CLDN16: variants seen among roughly 807,000 people sequenced by gnomAD.
The protein encoded by CLDN16 is claudin-16.
Under a neutral mutation model 24.6 loss-of-function variants are expected in CLDN16, and 13 were observed. That is an observed-to-expected ratio of 0.53 (90% CI 0.34 to 0.84). The LOEUF is 0.84. CLDN16 is among the 40% of genes least tolerant of loss of function. The pLI is 0.01. For synonymous variants in CLDN16, 116 were observed against 106.7 expected (o/e 1.09, Z -0.54); for missense variants, 298 against 292.7 (o/e 1.02, Z -0.13).
At chr3:190,390,256 G>T (rs1718615383) in intron 1 of CLDN16, among the ~76,000 whole-genome samples, 1 of 152,084 alleles carries the variant, frequency 6.6e-6, no homozygotes, top group African/African-American at 2.4e-5. Context: ...AAAGGAAGAG[G>T]CTGGGCATGG....
At chr3:190,355,541 T>A (rs1289171018) in intron 1 of CLDN16, among the ~76,000 whole-genome samples, 4 of 151,846 alleles carry the variant, frequency 2.6e-5, no homozygotes, top group African/African-American at 4.8e-5. Flanking sequence ...AATTTAAACT[T>A]CTTAAGAATT....
At chr3:190,330,540 C>T (rs1717160449) in intron 1 of CLDN16, among the ~76,000 whole-genome samples, 1 of 151,858 alleles carries the variant, frequency 6.6e-6, no homozygotes, top group African/African-American at 2.4e-5. Context: ...AATACTAGTA[C>T]TACTTTCATC....
chr3:190,404,472 G>T (rs1719039740), intron 2 of CLDN16, among the ~76,000 whole-genome samples: 1 of 152,142 alleles, frequency 6.6e-6, no homozygotes, highest in Admixed American at 6.5e-5. Context: ...GAGGCAAAAA[G>T]GAAAACATTT....
At chr3:190,351,818 T>C (rs1194472852) in intron 1 of CLDN16, among the ~76,000 whole-genome samples, 1 of 152,098 alleles carries the variant, frequency 6.6e-6, no homozygotes, top group African/African-American at 2.4e-5. Context: ...ATTTTATCTA[T>C]TAGCATTCTA....
intron 1 of CLDN16, among the ~76,000 whole-genome samples, chr3:190,361,831 G>A (rs1412206996): frequency 6.6e-6 from 1 of 151,914 alleles, no homozygotes; most frequent in Non-Finnish European, 1.5e-5. Context: ...AAAAGGGCTA[G>A]CTGGGGGCCA....
chr3:190,322,491 C>G (rs1404307686), upstream of CLDN16: 3 of 431,430 alleles, frequency 7.0e-6, no homozygotes, highest in Non-Finnish European at 1.3e-5. Flanking sequence ...CCGCCCGCCT[C>G]AGCCCCGGCA....
At chr3:190,300,954 T>C in the CLDN16 span, among the ~76,000 whole-genome samples, 2 of 152,326 alleles carry the variant, frequency 1.3e-5, no homozygotes, top group South Asian at 4.1e-4. Context: ...GAATAAAAGA[T>C]GGATCCGGTA....
chr3:190,295,927 T>C, the CLDN16 span, among the ~76,000 whole-genome samples: 1 of 152,228 alleles, frequency 6.6e-6, no homozygotes, highest in East Asian at 1.9e-4. Context: ...GCCTCAGTTC[T>C]GCTCTTTTCA....
chr3:190,362,049 T>TG, intron 1 of CLDN16, among the ~76,000 whole-genome samples: 2 of 145,048 alleles, frequency 1.4e-5, no homozygotes, highest in African/African-American at 4.9e-5. Flanking sequence ...TGGTCTAACC[T>TG]GTGTAAATCA....
intron 1 of CLDN16, among the ~76,000 whole-genome samples, chr3:190,350,423 G>T (rs1717647516): frequency 6.6e-6 from 1 of 150,904 alleles, no homozygotes; most frequent in Non-Finnish European, 1.5e-5. Context: ...TATTAAAAAT[G>T]ACAATGTTAA....
chr3:190,349,237 C>A (rs557323026), intron 1 of CLDN16, among the ~76,000 whole-genome samples: 1 of 152,192 alleles, frequency 6.6e-6, no homozygotes, highest in East Asian at 1.9e-4. Flanking sequence ...ATGAATTTCC[C>A]CTTGTTGTTC....
At chr3:190,374,840 A>G (rs1362422525) in intron 3 of CLDN16, among the ~76,000 whole-genome samples, 1 of 152,028 alleles carries the variant, frequency 6.6e-6, no homozygotes, top group Admixed American at 6.6e-5. Flanking sequence ...GCCGATTTTT[A>G]TTACTATTTT....
chr3:190,335,520 C>A (rs1158507995), intron 1 of CLDN16, among the ~76,000 whole-genome samples: 1 of 151,906 alleles, frequency 6.6e-6, no homozygotes, highest in African/African-American at 2.4e-5. Context: ...CAAGACCATC[C>A]TGGCCAACAT....
chr3:190,385,915 A>T (rs1405515077), upstream of CLDN16, among the ~76,000 whole-genome samples: 4 of 152,058 alleles, frequency 2.6e-5, no homozygotes, highest in Non-Finnish European at 5.9e-5. Flanking sequence ...CCTGGCTTCC[A>T]CTCCCAATTT....
At chr3:190,340,364 G>A (rs1022434589) in intron 1 of CLDN16, among the ~76,000 whole-genome samples, 6 of 152,236 alleles carry the variant, frequency 3.9e-5, no homozygotes, top group Admixed American at 3.3e-4. Flanking sequence ...TCCATGCAGC[G>A]GGGAGGCCTC....
At chr3:190,399,223 G>C (rs78746086) in intron 1 of CLDN16, among the ~76,000 whole-genome samples, 15,883 of 152,154 alleles carry the variant, frequency 0.1, 982 homozygotes, top group Non-Finnish European at 0.14. Flanking sequence ...ATGTTTTTAG[G>C]CTGGGCACGG....
At chr3:190,309,704 A>C in the CLDN16 span, among the ~76,000 whole-genome samples, 9 of 152,350 alleles carry the variant, frequency 5.9e-5, no homozygotes, top group African/African-American at 2.2e-4. Context: ...AAAAACATAC[A>C]TAATAGCTTT....
At chr3:190,325,713 A>G (rs1717046431) in intron 1 of CLDN16, among the ~76,000 whole-genome samples, 1 of 152,226 alleles carries the variant, frequency 6.6e-6, no homozygotes, top group Non-Finnish European at 1.5e-5. Context: ...ATTCTCAGAA[A>G]TGGTTAATGA....
At chr3:190,374,145 G>C (rs1718198924) in intron 2 of CLDN16, among the ~76,000 whole-genome samples, 1 of 151,830 alleles carries the variant, frequency 6.6e-6, no homozygotes. Context: ...GTTTTGGAGA[G>C]ATCAAAATGC....
Sources: gnomAD v4.1 joint callset for allele counts (sites outside exome capture counted in the v4.1 genomes callset) on GRCh38, gnomAD v4.1.1 for gene constraint, MANE v1.5 for transcripts, NCBI Gene and HGNC (gene_info 2026-07-23, HGNC 2026-07-21) for gene names.